THSD7B: variants seen among roughly 807,000 people sequenced by gnomAD.
The protein encoded by THSD7B is thrombospondin type 1 domain containing 7B, also known as thrombospondin type-1 domain-containing protein 7B.
A neutral mutation model predicts 213.6 loss-of-function variants in THSD7B; 138 were observed. That is an observed-to-expected ratio of 0.65 (90% CI 0.56 to 0.74). THSD7B has a LOEUF of 0.74. Among genes scored for constraint, THSD7B ranks in the 30% least tolerant of loss-of-function variants. The pLI is 0.00. For missense variants in THSD7B, 1,931 were observed against 1,991.5 expected, an observed-to-expected ratio of 0.97 and a Z score of 0.58; for synonymous variants, 742 against 687.0, an observed-to-expected ratio of 1.08 and a Z score of -1.25.
intron 2 of THSD7B, among the ~76,000 whole-genome samples, chr2:136,995,540 A>C (rs1489978892): frequency 6.6e-6 from 1 of 152,096 alleles, no homozygotes; most frequent in Non-Finnish European, 1.5e-5. Context: ...GAGTAGTAAA[A>C]AGAACTAAAT....
At chr2:137,506,271 A>G (rs1290385180) in intron 15 of THSD7B, among the ~76,000 whole-genome samples, 1 of 152,228 alleles carries the variant, frequency 6.6e-6, no homozygotes, top group East Asian at 1.9e-4. Flanking sequence ...AGTCGTGGCC[A>G]CAAAAAGCCC....
At chr2:136,980,603 G>A (rs1423139182) in intron 2 of THSD7B, among the ~76,000 whole-genome samples, 1 of 152,128 alleles carries the variant, frequency 6.6e-6, no homozygotes, top group African/African-American at 2.4e-5. Flanking sequence ...GCACCGACAG[G>A]GGAAAATGGC....
At chr2:136,855,441 T>G (rs2104967300) in intron 1 of THSD7B, among the ~76,000 whole-genome samples, 1 of 152,116 alleles carries the variant, frequency 6.6e-6, no homozygotes, top group East Asian at 1.9e-4. Context: ...CTCTCTTTTT[T>G]TTGAGACAGA....
At position 137,145,711 on chromosome 2, in the gene THSD7B, T is replaced by TA. The variant is rs35827729; in HGVS notation, c.1370-14494dup. Among the ~76,000 whole-genome samples the TA allele has an allele frequency of 6.2e-3, 947 of 151,846 alleles. 10 individuals are homozygous for TA. The highest frequency in any genetic ancestry group is 0.022 in the African/African-American group (894 of 41,458). The stretch of plus-strand genomic sequence containing the variant: ...ATCTCAATTAAGAAGGTATAAATGC[T>TA]AAAAAAAAGATTGCTGCACCTGTAG... On this transcript the variant is annotated intron_variant, in intron 5 of 27. Coordinates refer to ENST00000409968, the MANE Select transcript of THSD7B (RefSeq NM_001316349.2).
intron 15 of THSD7B, among the ~76,000 whole-genome samples, chr2:137,520,585 T>G (rs1234943505): frequency 2.0e-5 from 3 of 152,200 alleles, no homozygotes; most frequent in Non-Finnish European, 2.9e-5. Flanking sequence ...GCTGGATATA[T>G]TTTATGTCCA....
At chr2:137,410,946 A>T (rs1320805473) in intron 13 of THSD7B, among the ~76,000 whole-genome samples, 1 of 152,366 alleles carries the variant, frequency 6.6e-6, no homozygotes, top group South Asian at 2.1e-4. Context: ...GAAAAATGAC[A>T]CTGCATTGTC....
chr2:136,924,882 TA>T (rs1309102351), intron 2 of THSD7B, among the ~76,000 whole-genome samples: 7 of 152,226 alleles, frequency 4.6e-5, no homozygotes, highest in African/African-American at 1.7e-4. Context: ...ACAAGTCTTT[TA>T]CTTCCTTTGT....
Position 137,676,771 on chromosome 2 carries a change from A to T in THSD7B, c.*166A>T. On this transcript the variant is annotated 3_prime_UTR_variant, in exon 28 of 28. Coordinates refer to ENST00000409968, the MANE Select transcript of THSD7B (RefSeq NM_001316349.2). ...TCAACTTCATTTGGACATGGAGTCA[A>T]GGATTATTAGGTCTGCCATTTTGTT... 3.6e-6 allele frequency: 2 copies of T among 550,174 alleles called. No homozygotes were observed. The highest frequency in any genetic ancestry group is 5.8e-6 in the Non-Finnish European group (2 of 346,832). 34.1% of individuals were successfully genotyped at this position (550,174 alleles called of 1,614,324 possible).
At chr2:136,903,937 T>TGA (rs1289413575) in intron 2 of THSD7B, among the ~76,000 whole-genome samples, 1 of 28,694 alleles carries the variant, frequency 3.5e-5, no homozygotes, top group Admixed American at 5.2e-4. Context: ...TGTGTGTGTG[T>TGA]GTGTGTGTGT....
At chr2:137,131,447 C>T (rs1195984431) in intron 5 of THSD7B, among the ~76,000 whole-genome samples, 1 of 152,082 alleles carries the variant, frequency 6.6e-6, no homozygotes, top group African/African-American at 2.4e-5. Context: ...GACATGAAGT[C>T]CTTGCCCATG....
chr2:136,838,055 C>T (rs75604762), intron 1 of THSD7B, among the ~76,000 whole-genome samples: 4 of 152,270 alleles, frequency 2.6e-5, no homozygotes, highest in South Asian at 2.1e-4. Flanking sequence ...TTTTATAAAG[C>T]ATAAGTAAAA....
intron 1 of THSD7B, among the ~76,000 whole-genome samples, chr2:136,846,943 G>A (rs955063502): frequency 1.3e-5 from 2 of 152,076 alleles, no homozygotes; most frequent in African/African-American, 4.8e-5. Flanking sequence ...AATCATATGG[G>A]TTATTTAGAG....
At chr2:137,386,339 A>T (rs1172079519) in intron 12 of THSD7B, among the ~76,000 whole-genome samples, 2 of 152,174 alleles carry the variant, frequency 1.3e-5, no homozygotes, top group African/African-American at 4.8e-5. Context: ...CATACAGAAC[A>T]CATTGTAGGA....
chr2:137,181,369 C>T (rs1263037154), intron 7 of THSD7B, among the ~76,000 whole-genome samples: 1 of 152,060 alleles, frequency 6.6e-6, no homozygotes, highest in Non-Finnish European at 1.5e-5. Context: ...TTCGATACAC[C>T]AAAGTGGTCT....
intron 2 of THSD7B, among the ~76,000 whole-genome samples, chr2:136,893,341 T>C (rs6744034): frequency 0.34 from 51,151 of 152,104 alleles, 10,024 homozygotes; most frequent in East Asian, 0.96. Context: ...ATGGGAAATA[T>C]TCTGCCTCGT....
At chr2:137,387,924 G>A (rs190183655) in intron 12 of THSD7B, among the ~76,000 whole-genome samples, 61 of 152,128 alleles carry the variant, frequency 4.0e-4, no homozygotes, top group Non-Finnish European at 6.6e-4. Flanking sequence ...GCCTGTCACC[G>A]ACACCACTGT....
At chr2:137,013,719 C>T (rs1031466281) in intron 2 of THSD7B, among the ~76,000 whole-genome samples, 4 of 152,198 alleles carry the variant, frequency 2.6e-5, no homozygotes, top group Admixed American at 2.6e-4. Context: ...CCATCCTCCA[C>T]CCCCTACACT....
intron 2 of THSD7B, among the ~76,000 whole-genome samples, chr2:136,984,439 CT>C (rs1685636961): frequency 6.6e-6 from 1 of 152,082 alleles, no homozygotes; most frequent in South Asian, 2.1e-4. Context: ...GTGGGATCTC[CT>C]TGCTCCTTCT....
chr2:136,971,958 C>T (rs1685412040), intron 2 of THSD7B, among the ~76,000 whole-genome samples: 3 of 152,042 alleles, frequency 2.0e-5, no homozygotes, highest in South Asian at 4.1e-4. Context: ...TGCAGAAGTT[C>T]CAGTGATTGC....
Sources: gnomAD v4.1 joint callset for allele counts (sites outside exome capture counted in the v4.1 genomes callset) on GRCh38, gnomAD v4.1.1 for gene constraint, MANE v1.5 for transcripts, NCBI Gene and HGNC (gene_info 2026-07-23, HGNC 2026-07-21) for gene names.